Variants in GLRA2 observed in about 807,000 individuals in gnomAD.
The protein encoded by GLRA2 is glycine receptor subunit alpha-2.
Under a neutral mutation model 31.6 loss-of-function variants are expected in GLRA2, and 11 were observed. The ratio of observed to expected loss-of-function variants is 0.35; its 90% CI spans 0.22 to 0.58. The LOEUF (loss-of-function observed/expected upper bound fraction) is 0.58, where lower values mean the gene tolerates loss of function less well. GLRA2 is among the 20% of genes least tolerant of loss of function. GLRA2 has a pLI of 0.84. For missense variants in GLRA2, 212 were observed against 351.8 expected, an observed-to-expected ratio of 0.60 and a Z score of 3.18; for synonymous variants, 132 against 134.0, an observed-to-expected ratio of 0.99 and a Z score of 0.10.
chrX:14,602,610 C>G (rs185639652), intron 4 of GLRA2, among the ~76,000 whole-genome samples: 1 of 110,661 alleles, frequency 9.0e-6, no homozygotes, highest in East Asian at 2.9e-4. Context: ...TCCCCGAAGT[C>G]CACTGTGTCA....
the GLRA2 span, among the ~76,000 whole-genome samples, chrX:14,500,477 C>T: frequency 6.2e-5 from 7 of 112,386 alleles, no homozygotes; most frequent in Admixed American, 9.4e-5. Context: ...GGATGGTAGT[C>T]CTACCTCACC....
chrX:14,488,838 C>T, the GLRA2 span, among the ~76,000 whole-genome samples: 1 of 112,161 alleles, frequency 8.9e-6, no homozygotes, highest in Non-Finnish European at 1.9e-5. Context: ...CCAACCTCAA[C>T]AAAAAGCTCT....
chrX:14,535,394 T>C (rs1297470139), intron 2 of GLRA2, among the ~76,000 whole-genome samples: 2 of 111,689 alleles, frequency 1.8e-5, no homozygotes, highest in Non-Finnish European at 3.8e-5. Context: ...TGGGCATATA[T>C]ATAAGAAGGA....
At chrX:14,709,245 G>A (rs1201914318) in intron 8 of GLRA2, among the ~76,000 whole-genome samples, 2 of 110,940 alleles carry the variant, frequency 1.8e-5, no homozygotes, top group Non-Finnish European at 3.8e-5. Context: ...TTAAAAAGGA[G>A]TAGGGAAGGG....
At chrX:14,681,910 A>T (rs35451101) in intron 7 of GLRA2, among the ~76,000 whole-genome samples, 5,031 of 39,214 alleles carry the variant, frequency 0.13, 791 homozygotes, top group African/African-American at 0.32. Context: ...AAAAAAAAAA[A>T]ATATATATAT....
chrX:14,674,967 T>G (rs190327645), intron 7 of GLRA2, among the ~76,000 whole-genome samples: 1 of 112,077 alleles, frequency 8.9e-6, no homozygotes, highest in East Asian at 2.8e-4. Context: ...TCCCCCTTAT[T>G]CCTGCCCTTG....
At chrX:14,532,858 T>A (rs1328973869) in intron 2 of GLRA2, among the ~76,000 whole-genome samples, 2 of 111,824 alleles carry the variant, frequency 1.8e-5, no homozygotes, top group African/African-American at 6.5e-5. Flanking sequence ...AGGTTCTAAT[T>A]TTTTGTTCCT....
intron 2 of GLRA2, among the ~76,000 whole-genome samples, chrX:14,540,962 AAG>A (rs1292285029): frequency 9.1e-6 from 1 of 109,395 alleles, no homozygotes; most frequent in Non-Finnish European, 1.9e-5. Context: ...AGAAAGGAAA[AAG>A]AGAGCAAGGG....
chrX:14,632,898 G>A (rs911206263), intron 7 of GLRA2, among the ~76,000 whole-genome samples: 1 of 111,552 alleles, frequency 9.0e-6, no homozygotes, highest in Non-Finnish European at 1.9e-5. Flanking sequence ...TTCCCCATGA[G>A]GAATTTATGA....
the GLRA2 span, among the ~76,000 whole-genome samples, chrX:14,465,022 A>T: frequency 8.9e-6 from 1 of 111,831 alleles, no homozygotes; most frequent in Non-Finnish European, 1.9e-5. Flanking sequence ...ATGTTTTTCT[A>T]TTTCTGTGAA....
rs947740561 is a variant in GLRA2 at position 14,730,783 on chromosome X, G to T, written c.*298G>T. ...TGCGCAACATTCAGACATGATATGC[G>T]CATCATTCAGACATGATATGCGGGG... is the stretch of plus-strand genomic sequence containing the variant. On this transcript the variant is annotated 3_prime_UTR_variant, in exon 9 of 9. Coordinates refer to ENST00000218075, the MANE Select transcript of GLRA2 (RefSeq NM_002063.4). 7.8e-6 allele frequency: 2 copies of T among 256,186 alleles called. No homozygotes were observed. Among genetic ancestry groups the T allele is most frequent in the Non-Finnish European group, 1.4e-5 (2 of 142,479 alleles). 21.1% of individuals were successfully genotyped at this position (256,186 alleles called of 1,213,427 possible). A position where few individuals can be genotyped will look rare whatever the true frequency, so the allele number is the denominator to read the frequency against.
At chrX:14,693,460 C>G (rs1197936725) in intron 8 of GLRA2, among the ~76,000 whole-genome samples, 6 of 111,409 alleles carry the variant, frequency 5.4e-5, no homozygotes, top group African/African-American at 2.0e-4. Flanking sequence ...AACATGGCCT[C>G]AGAATACACC....
intron 4 of GLRA2, among the ~76,000 whole-genome samples, chrX:14,585,555 G>C (rs181163028): frequency 3.6e-5 from 4 of 111,424 alleles, no homozygotes; most frequent in Admixed American, 1.9e-4. Context: ...AAGGCCAAGG[G>C]GGGTACAGTT....
the GLRA2 span, among the ~76,000 whole-genome samples, chrX:14,493,698 TATGTATACAC>T: frequency 1.0e-5 from 1 of 97,079 alleles, no homozygotes; most frequent in Admixed American, 1.1e-4. Context: ...TACACGTATA[TATGTATACAC>T]ATGTATACAT....
chrX:14,467,848 GA>G, the GLRA2 span, among the ~76,000 whole-genome samples: 214 of 102,289 alleles, frequency 2.1e-3, no homozygotes, highest in Middle Eastern at 9.9e-3. Context: ...TGTAAGGACC[GA>G]AAAAAAAAAA....
chrX:14,670,043 A>G (rs910285511), intron 7 of GLRA2, among the ~76,000 whole-genome samples: 40 of 112,015 alleles, frequency 3.6e-4, no homozygotes, highest in African/African-American at 1.2e-3. Flanking sequence ...CTGCTTAGAA[A>G]TTTCTTCTAC....
chrX:14,465,266 T>C, the GLRA2 span, among the ~76,000 whole-genome samples: 3 of 112,214 alleles, frequency 2.7e-5, no homozygotes, highest in African/African-American at 9.7e-5. Flanking sequence ...ATTGGTCACA[T>C]AGAGCAATGC....
At chrX:14,515,330 TC>T in the GLRA2 span, among the ~76,000 whole-genome samples, 1 of 112,168 alleles carries the variant, frequency 8.9e-6, no homozygotes, top group South Asian at 3.6e-4. Flanking sequence ...AGTTTCACGT[TC>T]AGTACAATGT....
rs1439860563 is a variant in GLRA2, at chrX:14,679,660, CTTTACAGCTTTGAT to C, written c.931-11039_931-11026del. ...GCAAGACCACCATACTCTCTCCCATCTTTACAGCTTTGATTTTACAGCTTCTTCTACCCACCAAA... is the reference window on the plus strand; with the variant it reads ...GCAAGACCACCATACTCTCTCCCATCTTTACAGCTTCTTCTACCCACCAAA... On this transcript the variant is annotated intron_variant, in intron 7 of 8. Transcript: ENST00000218075. Among the ~76,000 whole-genome samples the C allele has an allele frequency of 2.7e-5, 3 of 111,078 alleles. No homozygotes were observed. In the Admixed American group the frequency reaches 2.9e-4, roughly 11 times the overall value.
Sources: gnomAD v4.1 joint callset for allele counts (sites outside exome capture counted in the v4.1 genomes callset) on GRCh38, gnomAD v4.1.1 for gene constraint, MANE v1.5 for transcripts, NCBI Gene and HGNC (gene_info 2026-07-23, HGNC 2026-07-21) for gene names.